The following CACNA1B variants were observed in gnomAD, a reference collection of about 807,000 sequenced individuals.
The protein encoded by CACNA1B is voltage-dependent N-type calcium channel subunit alpha-1B.
Under a neutral mutation model 247.2 loss-of-function variants are expected in CACNA1B, and 70 were observed. The ratio of observed to expected loss-of-function variants is 0.28; its 90% CI spans 0.23 to 0.35. The LOEUF (loss-of-function observed/expected upper bound fraction) is 0.35. Ranked by LOEUF, CACNA1B falls within the 10% of genes least tolerant of loss-of-function variation. CACNA1B has a pLI of 1.00. For missense variants in CACNA1B, 2,367 were observed against 3,197.4 expected (o/e 0.74, Z 6.26); for synonymous variants, 1,231 against 1,294.4 (o/e 0.95, Z 1.05).
rs757512688 is a variant in CACNA1B, at chr9:138,011,474, AG to A, written c.2160+1398del. Among the ~76,000 whole-genome samples the A allele has an allele frequency of 2.8e-4, 43 of 152,166 alleles. No individual in the cohort carries two copies. Among genetic ancestry groups the A allele is most frequent in the Admixed American group, 3.3e-4 (5 of 15,272 alleles). ...TGGGCATTTTTCTGGGCTGACCAAG[AG>A]CCGCAAAGTTTATGACTCGACCATC... On this transcript the variant is annotated intron_variant, in intron 17 of 46. Coordinates refer to ENST00000371372, the MANE Select transcript of CACNA1B (RefSeq NM_000718.4). This position sits in a 1 kb window ranked among gnomAD's most constrained non-coding sequence, Gnocchi z 4.2.
At chr9:138,013,509 G>C (rs1012197442) in intron 18 of CACNA1B, among the ~76,000 whole-genome samples, 44 of 152,188 alleles carry the variant, frequency 2.9e-4, no homozygotes, top group African/African-American at 9.4e-4. Flanking sequence ...GATAGCCTCA[G>C]GGTGGCTCCA....
In CACNA1B at chr9:138,058,277, C is replaced by A. The variant is rs1184946539; in HGVS notation, c.4308+27C>A. ...TAGGTGGACGCTCTGTGGAGTCTTG[C>A]AGTGGACAGCGTGGGCAGCGCCATC... On this transcript the variant is annotated intron_variant, in intron 28 of 46. Transcript: ENST00000371372. The surrounding 1 kb of genome is among the most constrained non-coding windows in gnomAD (Gnocchi z 4.7). The A allele has an allele frequency of 6.4e-7, 1 of 1,564,676 alleles. No homozygotes were observed. Among genetic ancestry groups the A allele is most frequent in the South Asian group, 1.1e-5 (1 of 90,076 alleles).
intron 20 of CACNA1B, among the ~76,000 whole-genome samples, chr9:138,029,391 C>G (rs972170351): frequency 6.6e-6 from 1 of 151,940 alleles, no homozygotes; most frequent in Admixed American, 6.6e-5. Flanking sequence ...TTTGTAATAC[C>G]CCTTTTTTTG....
chr9:138,046,864 G>A (rs199868678), intron 21 of CACNA1B, 40 bp from the exon 22 acceptor site: 160 of 1,595,738 alleles, frequency 1.0e-4, no homozygotes, highest in Middle Eastern at 5.0e-4. Flanking sequence ...TGGCGCGCCC[G>A]GCTGGGGGGC....
intron 10 of CACNA1B, among the ~76,000 whole-genome samples, chr9:137,966,255 T>C (rs1394795779): frequency 2.2e-4 from 33 of 151,356 alleles, no homozygotes; most frequent in Non-Finnish European, 1.5e-5. Flanking sequence ...GACAGAGTCT[T>C]GCTCTGTTGC....
At chr9:137,930,052 C>T (rs1034305996) in intron 6 of CACNA1B, among the ~76,000 whole-genome samples, 2 of 152,170 alleles carry the variant, frequency 1.3e-5, no homozygotes, top group Admixed American at 6.5e-5. Context: ...CCACCTTGGC[C>T]TCTCAAAGCT....
intron 20 of CACNA1B, among the ~76,000 whole-genome samples, chr9:138,039,588 A>C (rs369429841): frequency 6.6e-6 from 1 of 152,044 alleles, no homozygotes; most frequent in African/African-American, 2.4e-5. Flanking sequence ...TCTTTTTTTC[A>C]GTTTCCAAAT....
At chr9:138,000,189 C>T (rs1490465949) in intron 15 of CACNA1B, among the ~76,000 whole-genome samples, 1 of 151,676 alleles carries the variant, frequency 6.6e-6, no homozygotes, top group East Asian at 1.9e-4. Flanking sequence ...AGCTCCGCCT[C>T]CCGGGTTCAC....
At chr9:138,076,800 C>T (rs1317104532) in intron 35 of CACNA1B, among the ~76,000 whole-genome samples, 2 of 152,214 alleles carry the variant, frequency 1.3e-5, no homozygotes, top group Non-Finnish European at 2.9e-5. Context: ...CACTGGGCTG[C>T]TGTACAGCCC....
chr9:138,045,996 G>A lies in CACNA1B; in HGVS notation c.3414-908G>A, dbSNP rs1273848949. Reference sequence around the variant, plus strand: ...TCCAGAGCACAGCCCTCGTGATGGGGGCCGTCTGCCCCACCTGCTCCGTCC... The same window carrying A: ...TCCAGAGCACAGCCCTCGTGATGGGAGCCGTCTGCCCCACCTGCTCCGTCC... On this transcript the variant is annotated intron_variant, in intron 21 of 46. Coordinates refer to ENST00000371372, the MANE Select transcript of CACNA1B (RefSeq NM_000718.4). Among the ~76,000 whole-genome samples, 4 of 152,256 alleles carry A rather than the reference G, an allele frequency of 2.6e-5. No homozygotes were observed. In the East Asian group the frequency reaches 7.7e-4, roughly 29 times the overall value.
In CACNA1B at chr9:138,052,235, CGTGTGTGTGTGTGCGTGTGT is replaced by C; in HGVS notation, c.3807+56_3807+75del. ...TTGAGGGATGTGCTGTGTGTGTGTG[CGTGTGTGTGTGTGCGTGTGT>C]GTGTGTGTATGCATGCAGTGCATGA... On this transcript the variant is annotated intron_variant, in intron 25 of 46. Coordinates refer to ENST00000371372, the MANE Select transcript of CACNA1B (RefSeq NM_000718.4). The surrounding 1 kb of genome is among the most constrained non-coding windows in gnomAD (Gnocchi z 5.1). The C allele has an allele frequency of 2.1e-6, 2 of 948,832 alleles. No homozygotes were observed. The highest frequency in any genetic ancestry group is 2.8e-5 in the South Asian group (2 of 70,816). 58.8% of individuals were successfully genotyped at this position (948,832 alleles called of 1,614,324 possible). A position where few individuals can be genotyped will look rare whatever the true frequency, so the allele number is the denominator to read the frequency against.
chr9:137,980,123 A>C (rs1019652781), intron 12 of CACNA1B, among the ~76,000 whole-genome samples: 18 of 152,194 alleles, frequency 1.2e-4, no homozygotes, highest in Non-Finnish European at 2.5e-4. Flanking sequence ...TGGGAATCTA[A>C]AGACCTATTT....
intron 15 of CACNA1B, among the ~76,000 whole-genome samples, chr9:137,992,892 A>G (rs2133390595): frequency 6.6e-6 from 1 of 152,284 alleles, no homozygotes; most frequent in African/African-American, 2.4e-5. Context: ...CCACAAAACC[A>G]GGCAAATACA....
chr9:137,977,841 C>T (rs928237402), intron 12 of CACNA1B, among the ~76,000 whole-genome samples: 3 of 152,138 alleles, frequency 2.0e-5, no homozygotes, highest in Non-Finnish European at 2.9e-5. Flanking sequence ...GAGCATTGCC[C>T]CTCTCAGGGT....
At position 137,913,558 on chromosome 9, in the gene CACNA1B, T is replaced by C. The variant is rs1468953473; in HGVS notation, c.622+287T>C. ...CTGTCACATTTCAGCATTTTGCTTC[T>C]TTTTCTGAGGGTAAAGAATGGATGA... On this transcript the variant is annotated intron_variant, in intron 4 of 46. Coordinates refer to ENST00000371372, the MANE Select transcript of CACNA1B (RefSeq NM_000718.4). This position sits in a 1 kb window ranked among gnomAD's most constrained non-coding sequence, Gnocchi z 5.2. Among the ~76,000 whole-genome samples the C allele has an allele frequency of 2.0e-5, 3 of 152,208 alleles. No individual in the cohort carries two copies. Among genetic ancestry groups the C allele is most frequent in the Admixed American group, 2.0e-4 (3 of 15,290 alleles).
intron 20 of CACNA1B, among the ~76,000 whole-genome samples, chr9:138,031,424 A>G (rs777242816): frequency 6.6e-6 from 1 of 152,186 alleles, no homozygotes; most frequent in Non-Finnish European, 1.5e-5. Context: ...TTCGTGGCCC[A>G]GGATGTGGGA....
rs1158714262 is a variant in CACNA1B, at chr9:138,075,766, C to T, written c.4858-53C>T. On this transcript the variant is annotated intron_variant, in intron 34 of 46. Transcript: ENST00000371372. ...GCCCTCTCTGGCTCGGTCCACCTGG[C>T]GCGGCTCCTGCAGACCCAGCAGGGT... The T allele has an allele frequency of 2.6e-5, 31 of 1,207,454 alleles. No individual in the cohort carries two copies. In the East Asian group the frequency reaches 5.2e-4, roughly 20 times the overall value. The allele number at this position is 1,207,454 out of a possible 1,614,324, so 74.8% of individuals were successfully genotyped here.
Position 138,057,639 on chromosome 9 carries a change from C to A in CACNA1B, c.3969-93C>A. 3.9e-6 allele frequency: 5 copies of A among 1,287,174 alleles called. No individual in the cohort carries two copies. The highest frequency in any genetic ancestry group is 5.4e-6 in the Non-Finnish European group (5 of 926,970). The allele number at this position is 1,287,174 out of a possible 1,614,324, so 79.7% of individuals were successfully genotyped here. ...AGCACAGTCTGTTGGAGAGGCCATT[C>A]TTTCCCCACGGAATGGTTTCAACAC... On this transcript the variant is annotated intron_variant, in intron 26 of 46. Transcript: ENST00000371372. This position sits in a 1 kb window ranked among gnomAD's most constrained non-coding sequence, Gnocchi z 4.0.
chr9:138,114,310 T>C (rs900454981), intron 40 of CACNA1B, 68 bp from the exon 41 acceptor site: 3 of 800,336 alleles, frequency 3.7e-6, no homozygotes, highest in Non-Finnish European at 6.4e-6. Flanking sequence ...CTCACCTTAC[T>C]TCCATACCTT....
Sources: allele counts gnomAD v4.1 joint callset (sites outside exome capture counted in the v4.1 genomes callset), GRCh38; gene constraint gnomAD v4.1.1; non-coding constraint Gnocchi (gnomAD v3.1); transcripts MANE v1.5; gene names NCBI Gene and HGNC (gene_info 2026-07-23, HGNC 2026-07-21).